Variants in SLC6A12 observed in about 807,000 individuals in gnomAD.
SLC6A12 encodes the protein sodium- and chloride-dependent betaine transporter.
A neutral mutation model predicts 73.3 loss-of-function variants in SLC6A12; 50 were observed. The observed-to-expected ratio is 0.68, with a 90% CI of 0.54 to 0.86. The LOEUF (loss-of-function observed/expected upper bound fraction) is 0.86. SLC6A12 is among the 40% of genes least tolerant of loss of function. The pLI, the probability that SLC6A12 is intolerant of heterozygous loss-of-function variation, is 0.00. For missense variants in SLC6A12, 648 were observed against 772.8 expected, an observed-to-expected ratio of 0.84 and a Z score of 1.92; for synonymous variants, 304 against 309.2, an observed-to-expected ratio of 0.98 and a Z score of 0.18.
At chr12:188,073 G>A (rs1428074126), downstream of SLC6A12, among the ~76,000 whole-genome samples, 2 of 152,212 alleles carry the variant, frequency 1.3e-5, no homozygotes, top group African/African-American at 4.8e-5. Flanking sequence ...ATCCCTCACT[G>A]GGGCCACAGG....
chr12:193,899 G>A (rs970027794), intron 13 of SLC6A12: 3 of 152,290 alleles, frequency 2.0e-5, no homozygotes, highest in African/African-American at 7.2e-5. Flanking sequence ...ATGGTAAGAA[G>A]GTTAATTTGT....
chr12:190,831 C>T lies in SLC6A12; in HGVS notation c.*237G>A. On this transcript the variant is annotated 3_prime_UTR_variant, in exon 16 of 16. Transcript: ENST00000684302. The stretch of plus-strand genomic sequence containing the variant: ...TTATAAAAACGATGGTGCCTTCCCA[C>T]AGGGAGTGGCGTCCCAACATGGCAC... 2.8e-6 allele frequency: 1 copy of T among 360,364 alleles called. No individual in the cohort carries two copies. The highest frequency in any genetic ancestry group is 4.7e-5 in the Admixed American group (1 of 21,276). The allele number at this position is 360,364 out of a possible 1,614,324, so 22.3% of individuals were successfully genotyped here.
In SLC6A12 at chr12:196,765, C is replaced by T. The variant is rs374034522; in HGVS notation, c.1188+5G>A. ...GGCAGGGCAGGCTGGGCTGCAGTGA[C>T]GTACCTGGCTGTCCAGCCCTAGGAA... is the stretch of plus-strand genomic sequence containing the variant. On this transcript the variant is annotated splice_donor_5th_base_variant and intron_variant, in intron 11 of 15. Transcript: ENST00000684302. 28 of 1,601,856 alleles carry T rather than the reference C, an allele frequency of 1.7e-5. No individual in the cohort carries two copies. Among genetic ancestry groups the T allele is most frequent in the Middle Eastern group, 1.6e-4 (1 of 6,066 alleles).
At chr12:186,877 G>A (rs1253666486), downstream of SLC6A12, among the ~76,000 whole-genome samples, 1 of 152,186 alleles carries the variant, frequency 6.6e-6, no homozygotes, top group Non-Finnish European at 1.5e-5. Context: ...GCAGGCTGGA[G>A]CCTGTGGTAA....
In SLC6A12 at chr12:191,216, G is replaced by A. The variant is rs887647314; in HGVS notation, c.1702-5C>T. On this transcript the variant is annotated splice_polypyrimidine_tract_variant and splice_region_variant and intron_variant, in intron 15 of 15. Transcript: ENST00000684302. ...GGTGATGAGCTGACGCAGACGCTGT[G>A]GAGAGAAGAGGCAGGGATTTGGAGC... 1.6e-6 allele frequency: 2 copies of A among 1,263,792 alleles called. No individual in the cohort carries two copies. Among genetic ancestry groups the A allele is most frequent in the Non-Finnish European group, 2.0e-6 (2 of 995,076 alleles). The allele number at this position is 1,263,792 out of a possible 1,614,324, so 78.3% of individuals were successfully genotyped here.
intron 14 of SLC6A12, chr12:192,916 C>A: frequency 2.3e-6 from 1 of 444,224 alleles, no homozygotes; most frequent in Non-Finnish European, 4.1e-6. Context: ...AAGGGAGGGG[C>A]TCGGAAGAGC....
chr12:196,168 T>C lies in SLC6A12; in HGVS notation c.1282A>G (p.Ile428Val). The change falls in exon 12 of 16, where the codon ATC (isoleucine) becomes GTC (valine). Residue 428 changes from isoleucine to valine, a missense_variant. Ile to Val is a conservative substitution (Grantham distance 29). Coordinates refer to ENST00000684302, the MANE Select transcript of SLC6A12 (RefSeq NM_001122848.3). Reference sequence around the variant, plus strand: ...CCTATCAGGTAGCACATGACGGCGATGGTGAGGATGAGGAGCTCGCGCCGC... The same window carrying C: ...CCTATCAGGTAGCACATGACGGCGACGGTGAGGATGAGGAGCTCGCGCCGC... ...SGRRELLILTIAVMCYLIGLF... is the reference protein window; with the variant it reads ...SGRRELLILTVAVMCYLIGLF... 2 of 1,576,228 alleles carry C rather than the reference T, an allele frequency of 1.3e-6. No homozygotes were observed. Among genetic ancestry groups the C allele is most frequent in the South Asian group, 2.3e-5 (2 of 85,884 alleles).
chr12:187,579 T>TGCAAAACA (rs1939453215), downstream of SLC6A12, among the ~76,000 whole-genome samples: 1 of 92,920 alleles, frequency 1.1e-5, no homozygotes, highest in African/African-American at 4.7e-5. Flanking sequence ...CAAGATTTAC[T>TGCAAAACA]GCAAAAGAGC....
chr12:197,812 C>G, intron 9 of SLC6A12, 88 bp downstream of exon 9: 2 of 948,556 alleles, frequency 2.1e-6, no homozygotes, highest in Non-Finnish European at 1.7e-6. Flanking sequence ...TAAGGAAGGT[C>G]TGGGCCCAGA....
downstream of SLC6A12, among the ~76,000 whole-genome samples, chr12:188,265 G>A (rs1267630982): frequency 6.6e-6 from 1 of 152,204 alleles, no homozygotes. Context: ...CCTGCCCCAC[G>A]GGAAGGCAGC....
chr12:203,778 TGGA>T (rs939927883), intron 4 of SLC6A12: 2 of 138,668 alleles, frequency 1.4e-5, no homozygotes, highest in African/African-American at 5.6e-5. Flanking sequence ...CGGCGCTGGG[TGGA>T]GAAGGGGCTC....
chr12:192,142 G>GTCT (rs1939628521), intron 15 of SLC6A12, among the ~76,000 whole-genome samples: 2 of 152,308 alleles, frequency 1.3e-5, no homozygotes, highest in South Asian at 4.1e-4. Flanking sequence ...GGAATCTATA[G>GTCT]TCTTGTAAAC....
At chr12:188,440 T>G (rs1939480620), downstream of SLC6A12, among the ~76,000 whole-genome samples, 1 of 151,736 alleles carries the variant, frequency 6.6e-6, no homozygotes, top group Admixed American at 6.6e-5. Flanking sequence ...CAGCCCCGCT[T>G]CCCGCCAGCG....
At chr12:200,930 C>T in intron 6 of SLC6A12, 147 bp from the exon 7 acceptor site, 1 of 742,698 alleles carries the variant, frequency 1.3e-6, no homozygotes, top group South Asian at 1.9e-5. Context: ...CACAGTCAGG[C>T]CATGTTCCCG....
intron 10 of SLC6A12, among the ~76,000 whole-genome samples, 195 bp downstream of exon 10, chr12:197,182 C>CATCTATCCATCCATCT (rs1565469176): frequency 7.6e-4 from 64 of 84,358 alleles, no homozygotes; most frequent in South Asian, 6.4e-3. Flanking sequence ...TCCATCCATC[C>CATCTATCCATCCATCT]ATCCATCCAT....
chr12:203,709 C>T (rs1940443459), intron 4 of SLC6A12: 1 of 152,078 alleles, frequency 6.6e-6, no homozygotes. Flanking sequence ...TAAGCGGACC[C>T]GGGATGGCCG....
chr12:205,128 A>C, intron 3 of SLC6A12: 1 of 176,846 alleles, frequency 5.7e-6, no homozygotes, highest in South Asian at 1.3e-4. Flanking sequence ...CCCACTAATA[A>C]TTTTCAGGGT....
chr12:206,739 C>T (rs1052751264), intron 3 of SLC6A12, among the ~76,000 whole-genome samples: 2 of 152,210 alleles, frequency 1.3e-5, no homozygotes, highest in African/African-American at 2.4e-5. Context: ...GTGCCAGTAA[C>T]ACCACTGACT....
intron 2 of SLC6A12, chr12:210,457 G>A (rs976498401): frequency 1.1e-5 from 11 of 994,520 alleles, no homozygotes; most frequent in Non-Finnish European, 1.2e-5. Context: ...GAGGTAGCAA[G>A]GGTCAACGGG....
Sources: allele counts gnomAD v4.1 joint callset (sites outside exome capture counted in the v4.1 genomes callset), GRCh38; gene constraint gnomAD v4.1.1; transcripts MANE v1.5; gene names NCBI Gene and HGNC (gene_info 2026-07-23, HGNC 2026-07-21).